The following CNTNAP2 variants were observed in gnomAD, a reference collection of about 807,000 sequenced individuals.
CNTNAP2 encodes the protein contactin associated protein 2, also known as contactin-associated protein-like 2.
Under a neutral mutation model 155.2 loss-of-function variants are expected in CNTNAP2, and 98 were observed. The observed-to-expected ratio is 0.63, with a 90% CI of 0.54 to 0.75. CNTNAP2 has a LOEUF of 0.75. Ranked by LOEUF, CNTNAP2 falls within the 30% of genes least tolerant of loss-of-function variation. CNTNAP2 has a pLI of 0.00. For missense variants in CNTNAP2, 1,727 were observed against 1,688.1 expected, an observed-to-expected ratio of 1.02 and a Z score of -0.40; for synonymous variants, 651 against 631.2, an observed-to-expected ratio of 1.03 and a Z score of -0.47.
At chr7:147,961,775 C>T (rs959955652) in intron 14 of CNTNAP2, among the ~76,000 whole-genome samples, 4 of 151,998 alleles carry the variant, frequency 2.6e-5, no homozygotes, top group East Asian at 1.9e-4. Context: ...TCTTGGTCAT[C>T]GAATATTCAT....
At chr7:147,543,804 C>T (rs1263198402) in intron 11 of CNTNAP2, among the ~76,000 whole-genome samples, 2 of 152,076 alleles carry the variant, frequency 1.3e-5, no homozygotes, top group Non-Finnish European at 2.9e-5. Context: ...TCCATACGCT[C>T]CATTTGAAAA....
At chr7:147,904,710 T>A (rs79517108) in intron 14 of CNTNAP2, among the ~76,000 whole-genome samples, 1 of 152,336 alleles carries the variant, frequency 6.6e-6, no homozygotes, top group South Asian at 2.1e-4. Flanking sequence ...GATGTCTGCT[T>A]ACTTTCTGAA....
chr7:147,347,109 T>C (rs1795876561), intron 9 of CNTNAP2, among the ~76,000 whole-genome samples: 1 of 152,140 alleles, frequency 6.6e-6, no homozygotes, highest in South Asian at 2.1e-4. Context: ...AATTATCTTA[T>C]CTGTTTTCAG....
chr7:146,182,115 G>T (rs982791724), intron 1 of CNTNAP2, among the ~76,000 whole-genome samples: 24 of 151,868 alleles, frequency 1.6e-4, no homozygotes, highest in Non-Finnish European at 1.5e-5. Context: ...TAATAAAAAA[G>T]AAAAAGAAAA....
intron 21 of CNTNAP2, among the ~76,000 whole-genome samples, chr7:148,341,801 T>G (rs1798241058): frequency 6.6e-6 from 1 of 152,210 alleles, no homozygotes; most frequent in Non-Finnish European, 1.5e-5. Flanking sequence ...GAAATTATGT[T>G]AAACCTTCAT....
intron 9 of CNTNAP2, among the ~76,000 whole-genome samples, chr7:147,312,891 G>C (rs1363796335): frequency 7.6e-6 from 1 of 132,046 alleles, no homozygotes; most frequent in Admixed American, 7.9e-5. Context: ...GTGTAAAAGT[G>C]TTTCTATTTC....
chr7:147,984,968 AGCTGCGC>A (rs1563157841), intron 15 of CNTNAP2, among the ~76,000 whole-genome samples: 5 of 151,992 alleles, frequency 3.3e-5, no homozygotes, highest in African/African-American at 1.2e-4. Context: ...CACAAAAATC[AGCTGCGC>A]ATGTTGGTGC....
chr7:147,195,595 G>T (rs570063455), intron 8 of CNTNAP2, among the ~76,000 whole-genome samples: 1 of 151,954 alleles, frequency 6.6e-6, no homozygotes, highest in African/African-American at 2.4e-5. Flanking sequence ...TTATTTTCTT[G>T]AAAAGTGGTT....
chr7:147,517,115 C>T (rs1799142545), intron 11 of CNTNAP2, among the ~76,000 whole-genome samples: 1 of 151,822 alleles, frequency 6.6e-6, no homozygotes, highest in Admixed American at 6.6e-5. Flanking sequence ...AGTGATCTTC[C>T]CTCCATGACC....
intron 13 of CNTNAP2, among the ~76,000 whole-genome samples, chr7:147,722,301 C>T (rs928976025): frequency 2.6e-5 from 4 of 152,146 alleles, no homozygotes; most frequent in Admixed American, 6.6e-5. Context: ...CCACAATATG[C>T]TCTTTCAGCA....
chr7:146,777,123 C>A (rs1034501983), intron 2 of CNTNAP2, among the ~76,000 whole-genome samples: 2 of 152,018 alleles, frequency 1.3e-5, no homozygotes, highest in Non-Finnish European at 2.9e-5. Flanking sequence ...CTCTTTTTGA[C>A]CATTGATATA....
chr7:146,199,771 A>G (rs1451071196), intron 1 of CNTNAP2, among the ~76,000 whole-genome samples: 1 of 152,180 alleles, frequency 6.6e-6, no homozygotes, highest in Non-Finnish European at 1.5e-5. Flanking sequence ...GGTGATGTAG[A>G]ATCAATGTGA....
intron 11 of CNTNAP2, among the ~76,000 whole-genome samples, chr7:147,488,128 A>G (rs922561078): frequency 6.6e-6 from 1 of 152,360 alleles, no homozygotes; most frequent in Admixed American, 6.5e-5. Flanking sequence ...GACTTGATAC[A>G]GTCTTACTTA....
At chr7:146,153,381 G>A (rs1798079613) in intron 1 of CNTNAP2, among the ~76,000 whole-genome samples, 1 of 151,986 alleles carries the variant, frequency 6.6e-6, no homozygotes, top group African/African-American at 2.4e-5. Flanking sequence ...AGGAAGCGTG[G>A]CCAAATTTCT....
At chr7:146,780,481 G>A (rs767715998) in intron 2 of CNTNAP2, among the ~76,000 whole-genome samples, 14 of 152,044 alleles carry the variant, frequency 9.2e-5, no homozygotes, top group Non-Finnish European at 2.1e-4. Flanking sequence ...GAGCCACTGT[G>A]CCCGGCCGGT....
intron 1 of CNTNAP2, among the ~76,000 whole-genome samples, chr7:146,612,364 C>A (rs535388071): frequency 2.6e-5 from 4 of 152,024 alleles, no homozygotes; most frequent in Non-Finnish European, 5.9e-5. Flanking sequence ...TTCAGCTTTC[C>A]CTTTCTTTAA....
chr7:147,089,922 G>C (rs1310836998), intron 4 of CNTNAP2, among the ~76,000 whole-genome samples: 1 of 152,160 alleles, frequency 6.6e-6, no homozygotes, highest in Non-Finnish European at 1.5e-5. Flanking sequence ...CAAAATACTT[G>C]TTTCTCTGAA....
At chr7:146,268,134 C>A (rs758929327) in intron 1 of CNTNAP2, among the ~76,000 whole-genome samples, 1 of 152,176 alleles carries the variant, frequency 6.6e-6, no homozygotes, top group Admixed American at 6.5e-5. Context: ...GCAAGAAAAT[C>A]AGCCTCAATC....
At chr7:147,587,545 A>G (rs1433083132) in intron 12 of CNTNAP2, among the ~76,000 whole-genome samples, 2 of 152,174 alleles carry the variant, frequency 1.3e-5, no homozygotes, top group African/African-American at 4.8e-5. Flanking sequence ...AAAATTACCT[A>G]AACTCAATTG....
Sources: gnomAD v4.1 joint callset for allele counts (sites outside exome capture counted in the v4.1 genomes callset) on GRCh38, gnomAD v4.1.1 for gene constraint, MANE v1.5 for transcripts, NCBI Gene and HGNC (gene_info 2026-07-23, HGNC 2026-07-21) for gene names.